MICAL2: variants seen among roughly 807,000 people sequenced by gnomAD.
MICAL2 encodes the protein [F-actin]-monooxygenase MICAL2.
Under a neutral mutation model 127.3 loss-of-function variants are expected in MICAL2, and 77 were observed. The ratio of observed to expected loss-of-function variants is 0.60; its 90% CI spans 0.50 to 0.73. The LOEUF (loss-of-function observed/expected upper bound fraction) is 0.73, where lower values mean the gene tolerates loss of function less well. Ranked by LOEUF, MICAL2 falls within the 30% of genes least tolerant of loss-of-function variation. The probability of loss-of-function intolerance (pLI) is 0.00; values close to 1 mark genes in which losing one functional copy is unlikely to be tolerated. For missense variants in MICAL2, 1,351 were observed against 1,434.4 expected (o/e 0.94, Z 0.94); for synonymous variants, 570 against 551.1 (o/e 1.03, Z -0.48).
At chr11:12,351,087 T>G (rs1042585815) in intron 33 of MICAL2, among the ~76,000 whole-genome samples, 3 of 152,210 alleles carry the variant, frequency 2.0e-5, no homozygotes, top group Non-Finnish European at 4.4e-5. Flanking sequence ...ACTGAGATAA[T>G]CCAGAATGTT....
rs147682517 is a variant in MICAL2 at position 12,216,339 on chromosome 11, G to T, written c.948+20G>T. 33 of 1,595,022 alleles carry T rather than the reference G, an allele frequency of 2.1e-5. No homozygotes were observed. The highest frequency in any genetic ancestry group is 2.8e-5 in the Non-Finnish European group (32 of 1,163,198). On this transcript the variant is annotated intron_variant, in intron 8 of 27. Coordinates refer to ENST00000683283, the MANE Select transcript of MICAL2 (RefSeq NM_001282663.2). ...ATTAACGTACGTACCTCTTGGCTGC[G>T]ATTTCCCGACTTCGCGACCTGGGCT...
intron 1 of MICAL2, among the ~76,000 whole-genome samples, chr11:12,277,110 G>A (rs531011556): frequency 5.3e-5 from 8 of 152,084 alleles, no homozygotes; most frequent in Non-Finnish European, 1.0e-4. Context: ...AGGTGCAGCT[G>A]GGCAGTTGTG....
intron 29 of MICAL2, among the ~76,000 whole-genome samples, chr11:12,315,534 G>T (rs1182257668): frequency 1.3e-5 from 2 of 152,182 alleles, no homozygotes; most frequent in East Asian, 3.9e-4. Flanking sequence ...CAAATATTTT[G>T]TGGATATTCC....
intron 29 of MICAL2, among the ~76,000 whole-genome samples, chr11:12,304,679 C>T (rs1864088511): frequency 6.6e-6 from 1 of 151,682 alleles, no homozygotes; most frequent in African/African-American, 2.4e-5. Context: ...CACACACACA[C>T]ACACACACAC....
chr11:12,343,641 A>G (rs1456671132), intron 32 of MICAL2, among the ~76,000 whole-genome samples: 1 of 152,176 alleles, frequency 6.6e-6, no homozygotes, highest in Non-Finnish European at 1.5e-5. Flanking sequence ...AATGCAGGAA[A>G]GAGGCTGAAT....
chr11:12,242,481 C>T (rs762879239), intron 19 of MICAL2, 49 bp downstream of exon 19: 2 of 1,552,602 alleles, frequency 1.3e-6, no homozygotes, highest in Non-Finnish European at 1.8e-6. Flanking sequence ...GGGTGACTTC[C>T]TTTCTTCCCC....
intron 32 of MICAL2, among the ~76,000 whole-genome samples, chr11:12,335,104 T>C (rs1445495437): frequency 6.7e-6 from 1 of 149,440 alleles, no homozygotes; most frequent in Non-Finnish European, 1.5e-5. Flanking sequence ...CCACATCCTC[T>C]CCAGCACCTG....
Position 12,144,010 on chromosome 11 carries a change from C to T in MICAL2, c.-78+5550C>T, listed in dbSNP as rs1359400127. ...GCGTGGTTGTTCCTGCACACCCCCACTTTAATGAATACCTTGCTGAGGTCT... is the reference window on the plus strand; with the variant it reads ...GCGTGGTTGTTCCTGCACACCCCCATTTTAATGAATACCTTGCTGAGGTCT... On this transcript the variant is annotated intron_variant, in intron 2 of 27. Coordinates refer to ENST00000683283, the MANE Select transcript of MICAL2 (RefSeq NM_001282663.2). Among the ~76,000 whole-genome samples, 10 of 152,248 alleles carry T rather than the reference C, an allele frequency of 6.6e-5. No individual in the cohort carries two copies. The South Asian group carries it at 1.0e-3, about 16-fold the overall frequency.
intron 10 of MICAL2, 50 bp from the exon 11 acceptor site, chr11:12,222,567 C>T: frequency 6.2e-7 from 1 of 1,612,296 alleles, no homozygotes. Flanking sequence ...GGGGACAAGG[C>T]CTGAGGTGGC....
chr11:12,138,802 TTGTGGACTCAAGGAGTC>T (rs971742137), intron 2 of MICAL2, among the ~76,000 whole-genome samples: 39 of 152,182 alleles, frequency 2.6e-4, no homozygotes, highest in Non-Finnish European at 7.4e-5. Context: ...CAACAGCTGT[TTGTGGACTCAAGGAGTC>T]TCATCCCTGA....
At chr11:12,231,431 C>T (rs1858246678) in intron 15 of MICAL2, among the ~76,000 whole-genome samples, 1 of 152,130 alleles carries the variant, frequency 6.6e-6, no homozygotes, top group Admixed American at 6.5e-5. Context: ...TCTGAGTGGT[C>T]CAGGTCCCCC....
chr11:12,304,897 G>A (rs891781471), intron 29 of MICAL2, among the ~76,000 whole-genome samples: 2 of 152,060 alleles, frequency 1.3e-5, no homozygotes, highest in African/African-American at 4.8e-5. Context: ...CATTGTCTTA[G>A]TATTCTTGGC....
chr11:12,121,228 C>A (rs1019006280), intron 1 of MICAL2, among the ~76,000 whole-genome samples: 3 of 152,190 alleles, frequency 2.0e-5, no homozygotes, highest in African/African-American at 7.2e-5. Context: ...GCGGGCTAAG[C>A]TCTTCACACG....
At chr11:12,234,771 G>A (rs979758188) in intron 15 of MICAL2, among the ~76,000 whole-genome samples, 2 of 152,152 alleles carry the variant, frequency 1.3e-5, no homozygotes, top group Non-Finnish European at 2.9e-5. Flanking sequence ...TTGGAGGGAG[G>A]GGATGCGTAC....
At chr11:12,115,978 CT>C (rs1201204008) in intron 1 of MICAL2, among the ~76,000 whole-genome samples, 243 of 134,646 alleles carry the variant, frequency 1.8e-3, no homozygotes, top group South Asian at 3.9e-3. Context: ...CTTTCCCTTT[CT>C]TTTTTTTTTT....
At chr11:12,306,400 A>T (rs1041856324) in intron 29 of MICAL2, among the ~76,000 whole-genome samples, 1 of 152,154 alleles carries the variant, frequency 6.6e-6, no homozygotes, top group South Asian at 2.1e-4. Flanking sequence ...GATTGACTAT[A>T]TGGTCATTTA....
At chr11:12,292,230 C>A, downstream of MICAL2, 2 of 1,614,112 alleles carry the variant, frequency 1.2e-6, no homozygotes, top group Non-Finnish European at 1.7e-6. Flanking sequence ...TCCCATTCAT[C>A]TTCCCCACCA....
chr11:12,148,598 C>G (rs1318921987), intron 2 of MICAL2, among the ~76,000 whole-genome samples: 1 of 152,172 alleles, frequency 6.6e-6, no homozygotes, highest in African/African-American at 2.4e-5. Context: ...ACTACACACC[C>G]TGAATTGTGT....
downstream of MICAL2, chr11:12,294,106 A>G (rs747415519): frequency 1.2e-6 from 2 of 1,613,808 alleles, no homozygotes; most frequent in Non-Finnish European, 1.7e-6. Flanking sequence ...GTGTGCTAAA[A>G]CCAGTCCGCC....
Sources: allele counts gnomAD v4.1 joint callset (sites outside exome capture counted in the v4.1 genomes callset), GRCh38; gene constraint gnomAD v4.1.1; transcripts MANE v1.5; gene names NCBI Gene and HGNC (gene_info 2026-07-23, HGNC 2026-07-21).